Variants in REC114 observed in about 807,000 individuals in gnomAD.
REC114 encodes the protein meiotic recombination protein REC114.
In REC114, 27 loss-of-function variants were observed where a neutral mutation model predicts 31.3. That is an observed-to-expected ratio of 0.86 (90% CI 0.64 to 1.19). REC114 has a LOEUF of 1.19. REC114 is among the 50% of genes most tolerant of loss of function. The pLI is 0.00. For missense variants in REC114, 344 were observed against 326.9 expected (o/e 1.05, Z -0.40); for synonymous variants, 134 against 127.7 (o/e 1.05, Z -0.33).
At chr15:73,510,238 CTGTT>C (rs1048704406) in intron 2 of REC114, among the ~76,000 whole-genome samples, 64 of 152,210 alleles carry the variant, frequency 4.2e-4, no homozygotes, top group African/African-American at 1.4e-3. Flanking sequence ...ATTTAGCTCT[CTGTT>C]TGTCTGTTGT....
At chr15:73,496,306 C>T (rs374524834) in intron 2 of REC114, among the ~76,000 whole-genome samples, 2 of 132,610 alleles carry the variant, frequency 1.5e-5, no homozygotes, top group African/African-American at 6.0e-5. Flanking sequence ...GAGCTGAGAT[C>T]GTGCCACTGC....
At chr15:73,536,288 A>T (rs1309413466) in intron 2 of REC114, among the ~76,000 whole-genome samples, 1 of 152,202 alleles carries the variant, frequency 6.6e-6, no homozygotes, top group Non-Finnish European at 1.5e-5. Context: ...ACAGACTCTC[A>T]TCAATTAACA....
rs1360052350 is a variant in REC114 at position 73,491,295 on chromosome 15, ATTTTC to A, written c.249+17377_249+17381del. On this transcript the variant is annotated intron_variant, in intron 2 of 5. Transcript: ENST00000331090. Reference sequence around the variant, plus strand: ...TTTGTGTATTATCTTAATTTTGTGTATTTTCTTAATTTCTTTTTGTATATATAAGT... The same window carrying A: ...TTTGTGTATTATCTTAATTTTGTGTATTAATTTCTTTTTGTATATATAAGT... 1.2e-4 allele frequency among the ~76,000 whole-genome samples: 18 copies of A among 151,806 alleles called. 1 individual carries two copies. The highest frequency in any genetic ancestry group is 4.1e-4 in the African/African-American group (17 of 41,412).
chr15:73,480,035 C>A (rs897834503), intron 2 of REC114, among the ~76,000 whole-genome samples: 1 of 152,050 alleles, frequency 6.6e-6, no homozygotes, highest in South Asian at 2.1e-4. Flanking sequence ...ATGGCTATAC[C>A]AATTTACATT....
At chr15:73,466,784 C>G (rs1429117504) in intron 1 of REC114, among the ~76,000 whole-genome samples, 1 of 152,198 alleles carries the variant, frequency 6.6e-6, no homozygotes, top group Non-Finnish European at 1.5e-5. Context: ...GCTATTTACA[C>G]TTGCAACAGT....
At chr15:73,477,591 T>C (rs1029920562) in intron 2 of REC114, among the ~76,000 whole-genome samples, 1 of 152,114 alleles carries the variant, frequency 6.6e-6, no homozygotes, top group African/African-American at 2.4e-5. Context: ...TAATTTGTTA[T>C]AGTTTTTGTA....
chr15:73,518,516 T>C (rs1003207133), intron 2 of REC114, among the ~76,000 whole-genome samples: 5 of 152,230 alleles, frequency 3.3e-5, no homozygotes, highest in Non-Finnish European at 7.3e-5. Flanking sequence ...ATTTTACTAA[T>C]TTAAATCACA....
chr15:73,531,696 C>G (rs536305959), intron 2 of REC114, among the ~76,000 whole-genome samples: 1 of 152,260 alleles, frequency 6.6e-6, no homozygotes, highest in African/African-American at 2.4e-5. Flanking sequence ...TTCTTGATCT[C>G]ATGAAGTTTG....
intron 3 of REC114, among the ~76,000 whole-genome samples, chr15:73,541,154 A>G (rs1475103927): frequency 6.6e-6 from 1 of 152,186 alleles, no homozygotes; most frequent in Non-Finnish European, 1.5e-5. Context: ...TTAGACGATT[A>G]TCTAGTGGAG....
chr15:73,504,294 C>T (rs773977884), intron 2 of REC114, among the ~76,000 whole-genome samples: 1 of 152,058 alleles, frequency 6.6e-6, no homozygotes, highest in Non-Finnish European at 1.5e-5. Flanking sequence ...TGAGCCACTG[C>T]GCCCGGCCTG....
intron 2 of REC114, among the ~76,000 whole-genome samples, chr15:73,503,505 T>C (rs186175409): frequency 2.0e-5 from 3 of 152,186 alleles, no homozygotes; most frequent in African/African-American, 7.2e-5. Flanking sequence ...GCAGTAGAGA[T>C]AGGGATAAAA....
chr15:73,539,536 G>T (rs1339837759), intron 2 of REC114, among the ~76,000 whole-genome samples: 1 of 137,920 alleles, frequency 7.3e-6, no homozygotes, highest in African/African-American at 2.7e-5. Flanking sequence ...AAATTTCTAT[G>T]AAAGTTGCAA....
intron 2 of REC114, 76 bp downstream of exon 2, chr15:73,473,997 C>T: frequency 3.3e-6 from 3 of 909,126 alleles, no homozygotes. Context: ...TTTGTATCCT[C>T]AAGCTTCTTC....
Position 73,550,956 on chromosome 15 carries a change from C to T in REC114, c.352C>T (p.Arg118Ter), listed in dbSNP as rs373726564. 1.7e-5 allele frequency: 27 copies of T among 1,613,696 alleles called. No homozygotes were observed. The highest frequency in any genetic ancestry group is 9.3e-5 in the African/African-American group (7 of 74,884). Residue 118 changes from arginine (R) to a stop codon, truncating the protein, a stop_gained, in exon 4 of 6, where the codon CGA (arginine) becomes TGA (stop). Transcript: ENST00000331090. LOFTEE classifies it high-confidence loss of function. ...CAAACAGGACAAGAGTCGCCTGTTT[C>T]GAGTACAGTTCAGTGGAGAGTCAAA... ...TTIKDKSRLF[R>*]VQFSGESKEQ...
At chr15:73,541,230 A>G (rs1218777594) in intron 3 of REC114, among the ~76,000 whole-genome samples, 1 of 152,182 alleles carries the variant, frequency 6.6e-6, no homozygotes, top group South Asian at 2.1e-4. Context: ...ATGAACTTCC[A>G]TGGATTTTCA....
At chr15:73,461,813 C>T (rs1044945321) in intron 1 of REC114, among the ~76,000 whole-genome samples, 2 of 150,778 alleles carry the variant, frequency 1.3e-5, no homozygotes, top group African/African-American at 4.9e-5. Context: ...GCAACTGGAA[C>T]GAAGAGAAGA....
chr15:73,472,650 GA>G (rs1299338311), intron 1 of REC114, among the ~76,000 whole-genome samples: 3 of 152,112 alleles, frequency 2.0e-5, no homozygotes, highest in African/African-American at 4.8e-5. Context: ...TTAAGGATAT[GA>G]AAGCCACCTA....
chr15:73,532,100 C>A (rs983778207), intron 2 of REC114, among the ~76,000 whole-genome samples: 15 of 151,314 alleles, frequency 9.9e-5, no homozygotes, highest in African/African-American at 3.6e-4. Context: ...CGTCATCTAG[C>A]ATTAGGTATA....
intron 2 of REC114, among the ~76,000 whole-genome samples, chr15:73,504,348 T>A (rs1462036722): frequency 6.6e-6 from 1 of 152,166 alleles, no homozygotes; most frequent in African/African-American, 2.4e-5. Flanking sequence ...CTCTAACCCT[T>A]CTGGAATTTA....
Sources: gnomAD v4.1 joint callset for allele counts (sites outside exome capture counted in the v4.1 genomes callset) on GRCh38, gnomAD v4.1.1 for gene constraint, MANE v1.5 for transcripts, NCBI Gene and HGNC (gene_info 2026-07-23, HGNC 2026-07-21) for gene names.